Variants in TSPAN5 observed in about 807,000 individuals in gnomAD.
TSPAN5 encodes tetraspanin-5.
In TSPAN5, 10 loss-of-function variants were observed where a neutral mutation model predicts 37.1. The ratio of observed to expected loss-of-function variants is 0.27; its 90% CI spans 0.17 to 0.46. TSPAN5 has a LOEUF of 0.46. TSPAN5 is among the 20% of genes least tolerant of loss of function. The probability of loss-of-function intolerance (pLI) is 1.00; values close to 1 mark genes in which losing one functional copy is unlikely to be tolerated. For missense variants in TSPAN5, 195 were observed against 326.6 expected, an observed-to-expected ratio of 0.60 and a Z score of 3.11; for synonymous variants, 110 against 118.9, an observed-to-expected ratio of 0.93 and a Z score of 0.48.
intron 1 of TSPAN5, among the ~76,000 whole-genome samples, chr4:98,511,874 C>T (rs1373711060): frequency 6.6e-6 from 1 of 152,042 alleles, no homozygotes; most frequent in East Asian, 1.9e-4. Context: ...ATCCCAGGCA[C>T]TAGATATTGT....
chr4:98,650,675 C>T (rs1006858600), intron 1 of TSPAN5, among the ~76,000 whole-genome samples: 1 of 152,134 alleles, frequency 6.6e-6, no homozygotes, highest in Non-Finnish European at 1.5e-5. Flanking sequence ...AGTAGCAACA[C>T]CCTAATAGCA....
intron 1 of TSPAN5, among the ~76,000 whole-genome samples, chr4:98,521,539 A>C (rs1753856402): frequency 6.6e-6 from 1 of 152,212 alleles, no homozygotes; most frequent in African/African-American, 2.4e-5. Flanking sequence ...CAGCAGTGTG[A>C]TGCCTTCTGC....
At position 98,562,854 on chromosome 4, in the gene TSPAN5, A is replaced by G. The variant is rs1209911235; in HGVS notation, c.82-55126T>C. ...CAGGCTTGGGGAAAACAGTAATTCA[A>G]TTTTGCATATGTTACACTTGGGATG... On this transcript the variant is annotated intron_variant, in intron 1 of 7. Coordinates refer to ENST00000305798, the MANE Select transcript of TSPAN5 (RefSeq NM_005723.4). Among the ~76,000 whole-genome samples, 3 of 152,130 alleles carry G rather than the reference A, an allele frequency of 2.0e-5. No individual in the cohort carries two copies. In the East Asian group the frequency reaches 5.8e-4, roughly 29 times the overall value.
At chr4:98,609,734 C>T (rs1037917284) in intron 1 of TSPAN5, among the ~76,000 whole-genome samples, 1 of 152,110 alleles carries the variant, frequency 6.6e-6, no homozygotes, top group Non-Finnish European at 1.5e-5. Flanking sequence ...ACTCCTCTTC[C>T]CTGGGTGGTC....
intron 1 of TSPAN5, among the ~76,000 whole-genome samples, chr4:98,599,471 T>G (rs1262243838): frequency 6.6e-6 from 1 of 152,196 alleles, no homozygotes; most frequent in Non-Finnish European, 1.5e-5. Context: ...TAAAATAAAA[T>G]ATATTCATTT....
intron 1 of TSPAN5, among the ~76,000 whole-genome samples, chr4:98,533,949 A>AAAAAAAAAC (rs1754168846): frequency 7.0e-6 from 1 of 143,490 alleles, no homozygotes; most frequent in Admixed American, 7.0e-5. Context: ...TAAAAAAAAA[A>AAAAAAAAAC]AAAAAAAAAA....
chr4:98,507,813 T>C, intron 1 of TSPAN5, 85 bp from the exon 2 acceptor site: 1 of 963,672 alleles, frequency 1.0e-6, no homozygotes, highest in Non-Finnish European at 1.6e-6. Flanking sequence ...CTTTTGTCAC[T>C]TTACCTGGCT....
chr4:98,522,261 G>A (rs1272026532), intron 1 of TSPAN5, among the ~76,000 whole-genome samples: 1 of 152,170 alleles, frequency 6.6e-6, no homozygotes, highest in East Asian at 1.9e-4. Flanking sequence ...TCTTTAAAAT[G>A]AAACCTGATT....
At chr4:98,518,379 T>C (rs540458975) in intron 1 of TSPAN5, among the ~76,000 whole-genome samples, 67 of 152,290 alleles carry the variant, frequency 4.4e-4, no homozygotes, top group African/African-American at 1.6e-3. Context: ...ATGAATGATA[T>C]CTTTTCTTAA....
intron 3 of TSPAN5, 103 bp from the exon 4 acceptor site, chr4:98,482,278 G>T: frequency 1.0e-6 from 1 of 966,842 alleles, no homozygotes; most frequent in Non-Finnish European, 1.5e-6. Flanking sequence ...ACATTGGATT[G>T]TTACACATCT....
intron 3 of TSPAN5, chr4:98,483,431 C>T (rs925270793): frequency 6.6e-6 from 1 of 152,254 alleles, no homozygotes; most frequent in Non-Finnish European, 1.5e-5. Flanking sequence ...CTGAATGACC[C>T]ACAATGAGTC....
At chr4:98,629,543 T>C (rs1351401051) in intron 1 of TSPAN5, among the ~76,000 whole-genome samples, 1 of 152,234 alleles carries the variant, frequency 6.6e-6, no homozygotes, top group African/African-American at 2.4e-5. Flanking sequence ...AGTCTCCTGG[T>C]CTTTTATCCA....
At position 98,482,183 on chromosome 4, in the gene TSPAN5, A is replaced by G. The variant is rs368231034; in HGVS notation, c.280-8T>C. ...TCCCAGGAACACAGAAAACTAAGAT[A>G]AAAGACACATACACAGAGAACAGTT... On this transcript the variant is annotated splice_polypyrimidine_tract_variant and splice_region_variant and intron_variant, in intron 3 of 7. Coordinates refer to ENST00000305798, the MANE Select transcript of TSPAN5 (RefSeq NM_005723.4). 28 of 1,613,202 alleles carry G rather than the reference A, an allele frequency of 1.7e-5. No homozygotes were observed. The highest frequency in any genetic ancestry group is 8.4e-5 in the Admixed American group (5 of 59,864).
chr4:98,475,824 T>C (rs1290399468), intron 7 of TSPAN5, among the ~76,000 whole-genome samples: 1 of 151,736 alleles, frequency 6.6e-6, no homozygotes, highest in East Asian at 1.9e-4. Context: ...CCCGTCTCTA[T>C]TAAAAATACA....
intron 1 of TSPAN5, among the ~76,000 whole-genome samples, chr4:98,586,544 T>C (rs1014225017): frequency 6.6e-6 from 1 of 152,240 alleles, no homozygotes; most frequent in African/African-American, 2.4e-5. Flanking sequence ...AGATGATAGA[T>C]TAAACCCTTC....
chr4:98,619,597 C>T (rs1756434224), intron 1 of TSPAN5, among the ~76,000 whole-genome samples: 1 of 152,080 alleles, frequency 6.6e-6, no homozygotes, highest in South Asian at 2.1e-4. Context: ...AAGCTTACTG[C>T]CTATTTAAAA....
At chr4:98,549,795 T>C (rs1160968950) in intron 1 of TSPAN5, among the ~76,000 whole-genome samples, 4 of 152,266 alleles carry the variant, frequency 2.6e-5, no homozygotes, top group Middle Eastern at 6.8e-3. Flanking sequence ...CAGCCCTTAG[T>C]TGGATGCATA....
chr4:98,577,382 T>C (rs2110190393), intron 1 of TSPAN5, among the ~76,000 whole-genome samples: 1 of 151,874 alleles, frequency 6.6e-6, no homozygotes, highest in African/African-American at 2.4e-5. Flanking sequence ...CTTTATTGTT[T>C]CCCCCCCTGA....
intron 1 of TSPAN5, among the ~76,000 whole-genome samples, chr4:98,551,416 T>C (rs912402940): frequency 1.9e-3 from 158 of 82,196 alleles, no homozygotes; most frequent in Non-Finnish European, 3.2e-3. Context: ...GAGAATCCTC[T>C]CGTTTTTTTT....
Sources: gnomAD v4.1 joint callset for allele counts (sites outside exome capture counted in the v4.1 genomes callset) on GRCh38, gnomAD v4.1.1 for gene constraint, MANE v1.5 for transcripts, NCBI Gene and HGNC (gene_info 2026-07-23, HGNC 2026-07-21) for gene names.